ADRM1: variants seen among roughly 807,000 people sequenced by gnomAD.
The protein encoded by ADRM1 is ADRM1 26S proteasome ubiquitin receptor.
In ADRM1, 2 loss-of-function variants were observed where a neutral mutation model predicts 40.1. The observed-to-expected ratio is 0.05, with a 90% CI of 0.02 to 0.16. ADRM1 has a LOEUF of 0.16. Among genes scored for constraint, ADRM1 ranks in the 10% least tolerant of loss-of-function variants. The pLI is 1.00. For missense variants in ADRM1, 467 were observed against 552.5 expected (o/e 0.85, Z 1.55); for synonymous variants, 287 against 240.4 (o/e 1.19, Z -1.79).
chr20:62,308,118 G>A lies in ADRM1; in HGVS notation c.954G>A (p.Glu318=), dbSNP rs761377064. ...TGCTTCCCTACTTGCCATCTGGGGA[G>A]TCGCTGCCGCAGACCGCGGATGAGA... is the stretch of plus-strand genomic sequence containing the variant. ...ERLLPYLPSG[E]SLPQTADEIQ... The change falls in exon 8 of 10, where the codon GAG becomes GAA. Residue 318 remains glutamate (E), a synonymous_variant. Coordinates refer to ENST00000253003, the MANE Select transcript of ADRM1 (RefSeq NM_007002.4). The A allele has an allele frequency of 2.5e-6, 4 of 1,610,818 alleles. No homozygotes were observed. Among genetic ancestry groups the A allele is most frequent in the Admixed American group, 3.3e-5 (2 of 60,000 alleles).
intron 5 of ADRM1, 129 bp downstream of exon 5, chr20:62,306,863 G>C: frequency 1.1e-6 from 1 of 948,216 alleles, no homozygotes; most frequent in Non-Finnish European, 1.5e-6. Flanking sequence ...CCGCAAGCTG[G>C]TTCCCCTTTG....
chr20:62,305,421 A>G (rs1476980102), intron 3 of ADRM1: 1 of 152,274 alleles, frequency 6.6e-6, no homozygotes, highest in East Asian at 1.9e-4. Context: ...GAGAAAATGA[A>G]CAGGCATAGC....
chr20:62,303,854 C>T (rs1984487532), intron 2 of ADRM1, 73 bp downstream of exon 2: 4 of 1,496,538 alleles, frequency 2.7e-6, no homozygotes, highest in Admixed American at 1.8e-5. Flanking sequence ...TTGGAGTTCG[C>T]GGTGGGGGCT....
At chr20:62,304,858 CCT>C (rs1306266721) in intron 3 of ADRM1, among the ~76,000 whole-genome samples, 4 of 152,342 alleles carry the variant, frequency 2.6e-5, no homozygotes, top group South Asian at 2.1e-4. Context: ...TGCCCAGTGC[CCT>C]CTCTCTGCCC....
intron 7 of ADRM1, 40 bp downstream of exon 7, chr20:62,307,868 G>A (rs1305067817): frequency 1.9e-6 from 3 of 1,571,450 alleles, no homozygotes; most frequent in South Asian, 2.3e-5. Context: ...GGGGGGCATG[G>A]GGCCTGCTGA....
chr20:62,305,766 G>T, intron 3 of ADRM1: 1 of 204,740 alleles, frequency 4.9e-6, no homozygotes, highest in Non-Finnish European at 1.0e-5. Flanking sequence ...GTGCTCGATT[G>T]TGAGCGCCTG....
rs762394622 is a variant in ADRM1 at position 62,308,690 on chromosome 20, G to A, written c.1153G>A (p.Ala385Thr). 1.9e-6 allele frequency: 3 copies of A among 1,612,890 alleles called. No homozygotes were observed. The highest frequency in any genetic ancestry group is 1.3e-5 in the African/African-American group (1 of 74,894). The change falls in exon 10 of 10, where the codon GCC (alanine) becomes ACC (threonine). Residue 385 changes from alanine (A) to threonine (T), a missense_variant. Ala to Thr is a moderately conservative substitution (Grantham distance 58). Transcript: ENST00000253003. Reference protein sequence around the residue: ...EAFAKAMQNNAKPEQKEGDTK... With the variant: ...EAFAKAMQNNTKPEQKEGDTK... ...GTTTGCCAAAGCCATGCAGAACAAC[G>A]CCAAGCCCGAGCAGAAAGAGGGCGA...
chr20:62,304,356 C>T (rs1984577122), intron 2 of ADRM1, 105 bp from the exon 3 acceptor site: 2 of 942,670 alleles, frequency 2.1e-6, no homozygotes, highest in South Asian at 2.9e-5. Context: ...TTAGCTGCCC[C>T]TTGCGCACCC....
At chr20:62,304,396 T>C in intron 2 of ADRM1, 65 bp from the exon 3 acceptor site, 1 of 1,409,038 alleles carries the variant, frequency 7.1e-7, no homozygotes, top group Non-Finnish European at 1.0e-6. Flanking sequence ...CTCAGTACGC[T>C]CTCCTGAGAC....
chr20:62,303,552 C>T lies in ADRM1; in HGVS notation c.-1-16C>T, dbSNP rs754378578. On this transcript the variant is annotated splice_polypyrimidine_tract_variant and intron_variant, in intron 1 of 9. Coordinates refer to ENST00000253003, the MANE Select transcript of ADRM1 (RefSeq NM_007002.4). ...ACAGTGACCGCCGCGTCTCAGCGTC[C>T]TCTCCGCGCTTTCAGGATGACGACC... is the stretch of plus-strand genomic sequence containing the variant. 5.8e-6 allele frequency: 9 copies of T among 1,557,724 alleles called. No homozygotes were observed. In the East Asian group the frequency reaches 6.8e-5, roughly 12 times the overall value.
chr20:62,307,310 G>A (rs1007213815), intron 5 of ADRM1, 61 bp from the exon 6 acceptor site: 242 of 1,496,150 alleles, frequency 1.6e-4, no homozygotes, highest in Non-Finnish European at 1.9e-4. Flanking sequence ...CTGGGGAGGG[G>A]CCAGGCTCTT....
chr20:62,303,862 G>A (rs1020529191), intron 2 of ADRM1, 81 bp downstream of exon 2: 19 of 1,438,110 alleles, frequency 1.3e-5, no homozygotes, highest in East Asian at 7.0e-5. Context: ...CGCGGTGGGG[G>A]CTTGGCCGCA....
intron 3 of ADRM1, chr20:62,305,563 C>A: frequency 6.6e-6 from 1 of 152,030 alleles, no homozygotes; most frequent in East Asian, 1.9e-4. Flanking sequence ...CCCTTTTTTC[C>A]CCGATTTTCC....
At chr20:62,307,524 C>T (rs942582494) in intron 6 of ADRM1, 72 bp downstream of exon 6, 2 of 1,597,232 alleles carry the variant, frequency 1.3e-6, no homozygotes, top group East Asian at 2.2e-5. Flanking sequence ...CCTGGCCCAG[C>T]ACCCTGGACC....
chr20:62,306,239 A>C lies in ADRM1; in HGVS notation c.373A>C (p.Asn125His). 9.3e-6 allele frequency: 15 copies of C among 1,613,356 alleles called. No individual in the cohort carries two copies. The highest frequency in any genetic ancestry group is 1.3e-5 in the Non-Finnish European group (15 of 1,179,958). Residue 125 changes from asparagine to histidine, a missense_variant, in exon 4 of 10, where the codon AAC (asparagine) becomes CAC (histidine). By Grantham distance (68) the Asn-to-His change is moderately conservative (BLOSUM62 1). Coordinates refer to ENST00000253003, the MANE Select transcript of ADRM1 (RefSeq NM_007002.4). ...DQDEEHCRKV[N>H]EYLNNPPMPG... ...GGATGAGGAGCATTGCCGGAAAGTC[A>C]ACGAGTATCTGAACAACCCCCCGAT...
chr20:62,303,236 C>T (rs887734738), intron 1 of ADRM1, 187 bp downstream of exon 1: 12 of 190,576 alleles, frequency 6.3e-5, no homozygotes, highest in Admixed American at 6.1e-5. Flanking sequence ...GCCTGCGGCT[C>T]TGAACGTGGG....
At chr20:62,304,296 C>T (rs1282496242) in intron 2 of ADRM1, 165 bp from the exon 3 acceptor site, 9 of 610,354 alleles carry the variant, frequency 1.5e-5, no homozygotes, top group Non-Finnish European at 2.6e-5. Context: ...CTGTCTCTGA[C>T]CCTGGCTTCT....
chr20:62,308,364 G>T lies in ADRM1; in HGVS notation c.1015-4G>T. On this transcript the variant is annotated splice_polypyrimidine_tract_variant and splice_region_variant and intron_variant, in intron 8 of 9. Transcript: ENST00000253003. ...GCTCAGCCCTCGCCTGGCTCTTCTT[G>T]CAGGCCCTGGGCATGTTCAGCGCAG... 9.4e-6 allele frequency: 15 copies of T among 1,596,066 alleles called. No individual in the cohort carries two copies. Among genetic ancestry groups the T allele is most frequent in the Non-Finnish European group, 1.3e-5 (15 of 1,172,558 alleles).
At chr20:62,305,902 A>G in intron 3 of ADRM1, 1 of 370,462 alleles carries the variant, frequency 2.7e-6, no homozygotes. Context: ...TTGGTCTGGC[A>G]GCAGCTAAGT....
Sources: gnomAD v4.1 joint callset for allele counts (sites outside exome capture counted in the v4.1 genomes callset) on GRCh38, gnomAD v4.1.1 for gene constraint, MANE v1.5 for transcripts, NCBI Gene and HGNC (gene_info 2026-07-23, HGNC 2026-07-21) for gene names.